Variants in TRIM2 observed in about 807,000 individuals in gnomAD.
TRIM2 encodes the protein tripartite motif containing 2.
In TRIM2, 20 loss-of-function variants were observed where a neutral mutation model predicts 75.2. The observed-to-expected ratio is 0.27, with a 90% CI of 0.19 to 0.39. The LOEUF is 0.39. TRIM2 is among the 10% of genes least tolerant of loss of function. The pLI is 1.00. For missense variants in TRIM2, 660 were observed against 990.8 expected, an observed-to-expected ratio of 0.67 and a Z score of 4.48; for synonymous variants, 373 against 388.3, an observed-to-expected ratio of 0.96 and a Z score of 0.46.
Position 153,314,217 on chromosome 4 carries a change from G to A in TRIM2, c.1511-1268G>A, listed in dbSNP as rs1362156694. On this transcript the variant is annotated intron_variant, in intron 6 of 11. Transcript: ENST00000338700. The stretch of plus-strand genomic sequence containing the variant: ...GGGCGGATCACGAGGTCAGGAGATC[G>A]AGACCATCCCGGCTAAAACGGTGAA... Among the ~76,000 whole-genome samples the A allele has an allele frequency of 7.6e-5, 11 of 144,630 alleles. No individual in the cohort carries two copies. The East Asian group carries it at 9.6e-4, about 13-fold the overall frequency. 94.9% of individuals were successfully genotyped at this position (144,630 alleles called of 152,430 possible).
intron 1 of TRIM2, among the ~76,000 whole-genome samples, chr4:153,220,806 G>C (rs912739247): frequency 6.6e-6 from 1 of 152,086 alleles, no homozygotes; most frequent in Non-Finnish European, 1.5e-5. Context: ...AACATTATTT[G>C]TCATTAGGGA....
chr4:153,301,953 G>T (rs766926250), intron 6 of TRIM2, among the ~76,000 whole-genome samples: 6 of 152,068 alleles, frequency 3.9e-5, no homozygotes, highest in Non-Finnish European at 8.8e-5. Flanking sequence ...ACATTGCTTT[G>T]GCTATTTGGG....
At chr4:153,200,554 A>G (rs1007517064), upstream of TRIM2, among the ~76,000 whole-genome samples, 1 of 152,032 alleles carries the variant, frequency 6.6e-6, no homozygotes, top group African/African-American at 2.4e-5. Flanking sequence ...TCTATCCAGA[A>G]GTAGAATTGC....
chr4:153,296,509 C>T (rs1179581510), intron 6 of TRIM2, among the ~76,000 whole-genome samples: 1 of 152,160 alleles, frequency 6.6e-6, no homozygotes, highest in Non-Finnish European at 1.5e-5. Flanking sequence ...GTCACTGCAT[C>T]GGCATTGCAG....
chr4:153,284,254 G>A (rs993415744), intron 3 of TRIM2, among the ~76,000 whole-genome samples: 4 of 150,570 alleles, frequency 2.7e-5, no homozygotes, highest in Non-Finnish European at 4.4e-5. Flanking sequence ...AGGCTGGAGT[G>A]CAGTGACGTG....
chr4:153,198,232 G>C (rs527773665), intron 1 of TRIM2, among the ~76,000 whole-genome samples: 1 of 152,228 alleles, frequency 6.6e-6, no homozygotes, highest in South Asian at 2.1e-4. Flanking sequence ...GATATGGTTT[G>C]GCTGTGACCC....
chr4:153,249,084 G>A (rs1294791135), intron 1 of TRIM2, among the ~76,000 whole-genome samples: 1 of 152,232 alleles, frequency 6.6e-6, no homozygotes, highest in Non-Finnish European at 1.5e-5. Flanking sequence ...TGCTGTCACC[G>A]CGGGCCTTAC....
chr4:153,224,945 T>C (rs1469597599), intron 1 of TRIM2, among the ~76,000 whole-genome samples: 4 of 152,242 alleles, frequency 2.6e-5, no homozygotes, highest in African/African-American at 9.6e-5. Context: ...TTTCTGACCA[T>C]TGACTACTCT....
chr4:153,243,911 C>A (rs778425945), intron 1 of TRIM2, among the ~76,000 whole-genome samples: 2 of 151,096 alleles, frequency 1.3e-5, no homozygotes, highest in African/African-American at 2.4e-5. Flanking sequence ...CTCAACCTCC[C>A]GGGCTCAAGT....
Position 153,336,047 on chromosome 4 carries a change from A to G in TRIM2, c.*1081A>G. 1.0e-6 allele frequency: 1 copy of G among 985,800 alleles called. No homozygotes were observed. Among genetic ancestry groups the G allele is most frequent in the South Asian group, 4.7e-5 (1 of 21,294 alleles). 61.1% of individuals were successfully genotyped at this position (985,800 alleles called of 1,614,324 possible). A position where few individuals can be genotyped will look rare whatever the true frequency, so the allele number is the denominator to read the frequency against. On this transcript the variant is annotated 3_prime_UTR_variant, in exon 12 of 12. Coordinates refer to ENST00000338700, the MANE Select transcript of TRIM2 (RefSeq NM_015271.5). ...AGGTAAGGGCATGTTATGGTTATTTATCATTGTTTAATGAATAGTAGAGGT... is the reference window on the plus strand; with the variant it reads ...AGGTAAGGGCATGTTATGGTTATTTGTCATTGTTTAATGAATAGTAGAGGT...
chr4:153,292,079 A>G (rs1761936789), intron 3 of TRIM2, among the ~76,000 whole-genome samples: 1 of 152,196 alleles, frequency 6.6e-6, no homozygotes, highest in African/African-American at 2.4e-5. Context: ...GGGTCCCAAG[A>G]CGTTTTCAAG....
chr4:153,178,404 G>A (rs563849651), intron 1 of TRIM2, among the ~76,000 whole-genome samples: 1 of 152,140 alleles, frequency 6.6e-6, no homozygotes, highest in South Asian at 2.1e-4. Context: ...TTGTCTAAGA[G>A]AACAAACGAT....
At chr4:153,247,692 A>AAAAAC (rs1749623554) in intron 1 of TRIM2, among the ~76,000 whole-genome samples, 1 of 150,476 alleles carries the variant, frequency 6.6e-6, no homozygotes, top group African/African-American at 2.5e-5. Flanking sequence ...AAAAAAAAAA[A>AAAAAC]AAAAAAAAAC....
rs1480977553 is a variant in TRIM2, at chr4:153,338,761, A to C, written c.*3795A>C. 1.0e-6 allele frequency: 1 copy of C among 985,748 alleles called. No individual in the cohort carries two copies. The highest frequency in any genetic ancestry group is 1.2e-6 in the Non-Finnish European group (1 of 829,930). 61.1% of individuals were successfully genotyped at this position (985,748 alleles called of 1,614,324 possible). ...TATTAATATTCTAGAATAGATTAATAAATTGGCTATGTTGTTCCAATGAAT... is the reference window on the plus strand; with the variant it reads ...TATTAATATTCTAGAATAGATTAATCAATTGGCTATGTTGTTCCAATGAAT... On this transcript the variant is annotated 3_prime_UTR_variant, in exon 12 of 12. Transcript: ENST00000338700.
chr4:153,255,805 G>A (rs954143940), intron 1 of TRIM2, among the ~76,000 whole-genome samples: 1 of 152,198 alleles, frequency 6.6e-6, no homozygotes, highest in African/African-American at 2.4e-5. Flanking sequence ...GCTACCACAT[G>A]GATGAACTTG....
chr4:153,220,622 A>C (rs553754651), intron 1 of TRIM2, among the ~76,000 whole-genome samples: 1 of 152,344 alleles, frequency 6.6e-6, no homozygotes, highest in African/African-American at 2.4e-5. Flanking sequence ...TTTTGCAACA[A>C]TGTAAATGTA....
At chr4:153,319,302 C>T (rs1252924860) in intron 8 of TRIM2, among the ~76,000 whole-genome samples, 1 of 152,190 alleles carries the variant, frequency 6.6e-6, no homozygotes, top group Non-Finnish European at 1.5e-5. Flanking sequence ...ATCTAGAAAC[C>T]TTTTCTATCC....
At chr4:153,207,004 C>T (rs1487895113) in intron 1 of TRIM2, among the ~76,000 whole-genome samples, 1 of 152,164 alleles carries the variant, frequency 6.6e-6, no homozygotes. Context: ...ATCCTCCCGC[C>T]TCAGCCTACC....
At chr4:153,175,162 G>A (rs932295929) in intron 1 of TRIM2, among the ~76,000 whole-genome samples, 1 of 152,020 alleles carries the variant, frequency 6.6e-6, no homozygotes, top group Non-Finnish European at 1.5e-5. Context: ...AATTACAGGC[G>A]TCTGCCACAA....
Sources: gnomAD v4.1 joint callset for allele counts (sites outside exome capture counted in the v4.1 genomes callset) on GRCh38, gnomAD v4.1.1 for gene constraint, MANE v1.5 for transcripts, NCBI Gene and HGNC (gene_info 2026-07-23, HGNC 2026-07-21) for gene names.